The following ALCAM variants were observed in gnomAD, a reference collection of about 807,000 sequenced individuals.
ALCAM encodes activated leukocyte cell adhesion molecule, also known as CD166 antigen.
In ALCAM, 30 loss-of-function variants were observed where a neutral mutation model predicts 70.9. The ratio of observed to expected loss-of-function variants is 0.42; its 90% CI spans 0.32 to 0.57. ALCAM has a LOEUF of 0.57. Among genes scored for constraint, ALCAM ranks in the 20% least tolerant of loss-of-function variants. ALCAM has a pLI of 0.11. For missense variants in ALCAM, 591 were observed against 695.1 expected (o/e 0.85, Z 1.68); for synonymous variants, 249 against 242.5 (o/e 1.03, Z -0.25).
chr3:105,467,527 A>T (rs1937780168), intron 1 of ALCAM, among the ~76,000 whole-genome samples: 1 of 151,158 alleles, frequency 6.6e-6, no homozygotes, highest in Admixed American at 6.6e-5. Flanking sequence ...TCCTAATGAG[A>T]TGTTAACTTC....
At chr3:105,466,049 A>G (rs1937723381) in intron 1 of ALCAM, among the ~76,000 whole-genome samples, 1 of 151,430 alleles carries the variant, frequency 6.6e-6, no homozygotes, top group African/African-American at 2.4e-5. Flanking sequence ...GTCCTTATAC[A>G]CAGTTTCTAT....
chr3:105,519,236 A>G (rs1939467623), intron 1 of ALCAM, among the ~76,000 whole-genome samples: 1 of 152,090 alleles, frequency 6.6e-6, no homozygotes, highest in South Asian at 2.1e-4. Flanking sequence ...ACCTTCATAA[A>G]TATATCCAGA....
At chr3:105,469,746 GT>G (rs367570858) in intron 1 of ALCAM, among the ~76,000 whole-genome samples, 47 of 151,138 alleles carry the variant, frequency 3.1e-4, no homozygotes, top group South Asian at 2.3e-3. Flanking sequence ...TTTAACTGCT[GT>G]TATCACCTTC....
chr3:105,408,186 T>C (rs908600196), intron 1 of ALCAM, among the ~76,000 whole-genome samples: 1 of 135,600 alleles, frequency 7.4e-6, no homozygotes, highest in Non-Finnish European at 1.6e-5. Context: ...ACCACCATTA[T>C]TCTTCACAGA....
intron 1 of ALCAM, among the ~76,000 whole-genome samples, chr3:105,374,973 G>A (rs1312087857): frequency 2.0e-5 from 3 of 152,202 alleles, no homozygotes; most frequent in Non-Finnish European, 4.4e-5. Flanking sequence ...ATGGGAAAAT[G>A]TTTGGTAAGC....
intron 1 of ALCAM, among the ~76,000 whole-genome samples, chr3:105,456,242 T>A (rs1937534068): frequency 1.3e-5 from 2 of 152,222 alleles, no homozygotes; most frequent in Non-Finnish European, 2.9e-5. Context: ...TTAACACTGC[T>A]GCCTCGATAC....
At chr3:105,477,927 T>G (rs1040764162) in intron 1 of ALCAM, among the ~76,000 whole-genome samples, 1 of 152,038 alleles carries the variant, frequency 6.6e-6, no homozygotes, top group African/African-American at 2.4e-5. Flanking sequence ...ATAATTTCCA[T>G]TTCTCAGTAA....
At chr3:105,392,226 T>A (rs1935841350) in intron 1 of ALCAM, among the ~76,000 whole-genome samples, 1 of 151,962 alleles carries the variant, frequency 6.6e-6, no homozygotes, top group Non-Finnish European at 1.5e-5. Flanking sequence ...TGGTAGGCTA[T>A]TTATTGCTGC....
chr3:105,500,185 C>T (rs1352977886), intron 1 of ALCAM, among the ~76,000 whole-genome samples: 3 of 148,762 alleles, frequency 2.0e-5, no homozygotes, highest in Admixed American at 1.4e-4. Context: ...TTTCACAATA[C>T]AAAAACTCAC....
intron 1 of ALCAM, among the ~76,000 whole-genome samples, chr3:105,459,966 T>C (rs185616403): frequency 6.7e-4 from 102 of 152,014 alleles, no homozygotes; most frequent in African/African-American, 2.3e-3. Context: ...AAAAAATAAA[T>C]TGGATTTTTT....
chr3:105,420,758 T>C (rs1559785780), intron 1 of ALCAM, among the ~76,000 whole-genome samples: 1 of 151,572 alleles, frequency 6.6e-6, no homozygotes, highest in Non-Finnish European at 1.5e-5. Flanking sequence ...ATGACAGGCA[T>C]ATTTACACCT....
At chr3:105,544,545 A>C (rs1357998759) in intron 8 of ALCAM, 2 of 151,872 alleles carry the variant, frequency 1.3e-5, no homozygotes, top group African/African-American at 4.8e-5. Context: ...TCAGCATAGT[A>C]CCTCTACCTC....
chr3:105,410,188 C>T lies in ALCAM; in HGVS notation c.73+42707C>T, dbSNP rs139112738. The stretch of plus-strand genomic sequence containing the variant: ...TCATAGTCATCTTTTGATGCTGTAA[C>T]AGAACCACCTGACTACCCATACTAT... On this transcript the variant is annotated intron_variant, in intron 1 of 15. Transcript: ENST00000306107. Among the ~76,000 whole-genome samples the T allele has an allele frequency of 9.6e-3, 1,456 of 152,064 alleles. 12 individuals are homozygous for T. Among genetic ancestry groups the T allele is most frequent in the Middle Eastern group, 0.037 (11 of 294 alleles).
chr3:105,393,774 T>C (rs1224113649), intron 1 of ALCAM, among the ~76,000 whole-genome samples: 1 of 151,898 alleles, frequency 6.6e-6, no homozygotes, highest in African/African-American at 2.4e-5. Context: ...TTTAGGACTA[T>C]TTGATGTCTG....
At chr3:105,382,791 GT>G (rs1935559500) in intron 1 of ALCAM, among the ~76,000 whole-genome samples, 1 of 151,728 alleles carries the variant, frequency 6.6e-6, no homozygotes, top group Admixed American at 6.6e-5. Flanking sequence ...GGGGTTGTTT[GT>G]TTTTTTCTTG....
At chr3:105,378,056 T>C (rs1305493912) in intron 1 of ALCAM, among the ~76,000 whole-genome samples, 1 of 151,990 alleles carries the variant, frequency 6.6e-6, no homozygotes, top group East Asian at 1.9e-4. Flanking sequence ...GAACAATTCT[T>C]CCAACAAAGC....
At chr3:105,565,294 C>G (rs189759668) in intron 14 of ALCAM, among the ~76,000 whole-genome samples, 31 of 152,226 alleles carry the variant, frequency 2.0e-4, no homozygotes, top group African/African-American at 7.2e-4. Context: ...TTGAAATTGT[C>G]CCACAGATCC....
chr3:105,389,737 C>T (rs1182058524), intron 1 of ALCAM, among the ~76,000 whole-genome samples: 1 of 150,782 alleles, frequency 6.6e-6, no homozygotes, highest in Non-Finnish European at 1.5e-5. Flanking sequence ...TCTGTCCCTC[C>T]CCCCTACCCC....
chr3:105,452,861 T>TTTTGAGCCAACA (rs1358875842), intron 1 of ALCAM, among the ~76,000 whole-genome samples: 1 of 152,220 alleles, frequency 6.6e-6, no homozygotes, highest in Non-Finnish European at 1.5e-5. Flanking sequence ...GTTGGCTGCA[T>TTTTGAGCCAACA]AAATGTCTTC....
Sources: allele counts gnomAD v4.1 joint callset (sites outside exome capture counted in the v4.1 genomes callset), GRCh38; gene constraint gnomAD v4.1.1; transcripts MANE v1.5; gene names NCBI Gene and HGNC (gene_info 2026-07-23, HGNC 2026-07-21).